The following PHF2 variants were observed in gnomAD, a reference collection of about 807,000 sequenced individuals.
The protein encoded by PHF2 is lysine-specific demethylase PHF2.
Under a neutral mutation model 120.5 loss-of-function variants are expected in PHF2, and 27 were observed. The observed-to-expected ratio is 0.22, with a 90% CI of 0.17 to 0.31. The LOEUF (loss-of-function observed/expected upper bound fraction) is 0.31. Ranked by LOEUF, PHF2 falls within the 10% of genes least tolerant of loss-of-function variation. The pLI is 1.00. For synonymous variants in PHF2, 568 were observed against 592.5 expected (o/e 0.96, Z 0.60); for missense variants, 1,024 against 1,434.8 (o/e 0.71, Z 4.63).
At chr9:93,626,462 TA>T (rs1825916999) in intron 1 of PHF2, among the ~76,000 whole-genome samples, 1 of 152,232 alleles carries the variant, frequency 6.6e-6, no homozygotes, top group African/African-American at 2.4e-5. Context: ...AATAGTTCTT[TA>T]TATGTTGTGG....
intron 1 of PHF2, among the ~76,000 whole-genome samples, chr9:93,618,760 TTGTG>T (rs891066864): frequency 6.6e-6 from 1 of 151,672 alleles, no homozygotes; most frequent in African/African-American, 2.4e-5. Flanking sequence ...ATGCCTGTGT[TTGTG>T]TGTCTGCATG....
chr9:93,618,653 A>C (rs948142836), intron 1 of PHF2, among the ~76,000 whole-genome samples: 3 of 152,252 alleles, frequency 2.0e-5, no homozygotes, highest in African/African-American at 7.2e-5. Flanking sequence ...CCATGTCAGT[A>C]TGTAAAGATC....
chr9:93,676,847 C>T lies in PHF2; in HGVS notation c.3086C>T (p.Ala1029Val). ...CTGGCGGACCATGAGTACACAGCCG[C>T]TGGCACCTTCACCGGGGCCCAGGCT... ...SSLADHEYTA[A>V]GTFTGAQAGR... Residue 1029 changes from alanine (A) to valine (V), a missense_variant, in exon 21 of 22, where the codon GCT (alanine) becomes GTT (valine). Ala to Val is a moderately conservative substitution (Grantham distance 64). This residue lies in a region of PHF2 where 677 missense variants were observed against 857.4 expected (regional missense o/e 0.79). Coordinates refer to ENST00000359246, the MANE Select transcript of PHF2 (RefSeq NM_005392.4). The T allele has an allele frequency of 1.9e-6, 3 of 1,563,248 alleles. No homozygotes were observed. Among genetic ancestry groups the T allele is most frequent in the South Asian group, 1.2e-5 (1 of 84,956 alleles).
intron 1 of PHF2, among the ~76,000 whole-genome samples, chr9:93,624,405 G>A (rs1825872596): frequency 1.3e-5 from 2 of 152,060 alleles, no homozygotes; most frequent in African/African-American, 4.8e-5. Context: ...AGGTGATGAT[G>A]ATAATGATGG....
chr9:93,675,774 T>A lies in PHF2; in HGVS notation c.2817T>A (p.Ala939=). 1 of 1,609,250 alleles carries A rather than the reference T, an allele frequency of 6.2e-7. No homozygotes were observed. ...AGACCGGGCTGGCGGCTGCTGCAGC[T>A]AAGTTGTCCCAGCAGGTGAGGAGGG... is the stretch of plus-strand genomic sequence containing the variant. The part of the protein sequence containing the change: ...SIETGLAAAA[A]KLSQQEEQKS... Residue 939 remains alanine (A), a synonymous_variant, in exon 20 of 22, where the codon GCT becomes GCA. Coordinates refer to ENST00000359246, the MANE Select transcript of PHF2 (RefSeq NM_005392.4).
intron 3 of PHF2, 43 bp from the exon 4 acceptor site, chr9:93,645,586 G>A: frequency 6.6e-7 from 1 of 1,510,650 alleles, no homozygotes; most frequent in East Asian, 2.4e-5. Flanking sequence ...CGGTGCAGGA[G>A]GCCTCGGGCC....
At chr9:93,657,766 A>C (rs1826486240) in intron 9 of PHF2, among the ~76,000 whole-genome samples, 1 of 152,128 alleles carries the variant, frequency 6.6e-6, no homozygotes, top group South Asian at 2.1e-4. Context: ...AGGTGGGAAG[A>C]GATGCTTGGG....
chr9:93,578,852 C>T (rs1862883556), intron 1 of PHF2, among the ~76,000 whole-genome samples: 1 of 152,188 alleles, frequency 6.6e-6, no homozygotes, highest in Non-Finnish European at 1.5e-5. Flanking sequence ...TTTGAGGTCT[C>T]TGATTGAATC....
chr9:93,604,132 C>T (rs1015551120), intron 1 of PHF2, among the ~76,000 whole-genome samples: 7 of 152,070 alleles, frequency 4.6e-5, no homozygotes, highest in Non-Finnish European at 8.8e-5. Context: ...GAGATGGGGA[C>T]ACCCCTCTGA....
chr9:93,600,375 G>T (rs569349816), intron 1 of PHF2, among the ~76,000 whole-genome samples: 1 of 152,288 alleles, frequency 6.6e-6, no homozygotes, highest in South Asian at 2.1e-4. Context: ...CCAGAGCTGC[G>T]TCTTTGTGAT....
intron 9 of PHF2, among the ~76,000 whole-genome samples, chr9:93,657,426 G>C (rs1438207551): frequency 6.6e-6 from 1 of 152,214 alleles, no homozygotes; most frequent in Non-Finnish European, 1.5e-5. Flanking sequence ...CCCAAGATGG[G>C]AGTCTAACCC....
chr9:93,673,876 C>G lies in PHF2; in HGVS notation c.2626+14C>G, dbSNP rs749364456. On this transcript the variant is annotated intron_variant, in intron 18 of 21. Coordinates refer to ENST00000359246, the MANE Select transcript of PHF2 (RefSeq NM_005392.4). Reference sequence around the variant, plus strand: ...ACTCAGACTACGGTGAGTGTCACTCCTGCGTGGGGCAGGGCCCATGCTCAG... The same window carrying G: ...ACTCAGACTACGGTGAGTGTCACTCGTGCGTGGGGCAGGGCCCATGCTCAG... The G allele has an allele frequency of 6.4e-7, 1 of 1,570,228 alleles. No individual in the cohort carries two copies. Among genetic ancestry groups the G allele is most frequent in the Non-Finnish European group, 8.7e-7 (1 of 1,151,994 alleles).
chr9:93,651,204 G>A (rs1826364607), intron 5 of PHF2, among the ~76,000 whole-genome samples: 1 of 151,922 alleles, frequency 6.6e-6, no homozygotes, highest in Admixed American at 6.6e-5. Context: ...AAAGTGGTAT[G>A]TATTGCTTTG....
At chr9:93,616,784 G>T (rs1326496197) in intron 1 of PHF2, among the ~76,000 whole-genome samples, 3 of 151,906 alleles carry the variant, frequency 2.0e-5, no homozygotes, top group Admixed American at 6.6e-5. Flanking sequence ...AGCATCCCAA[G>T]TAGTTGGGAT....
chr9:93,676,725 G>T lies in PHF2; in HGVS notation c.2964G>T (p.Pro988=), dbSNP rs10992855. ...STSTTPASTT[P]ASTTPASTST... ...CCACCACGCCAGCCTCTACCACCCCGGCCTCCACCACCCCGGCCTCCACCA... is the reference window on the plus strand; with the variant it reads ...CCACCACGCCAGCCTCTACCACCCCTGCCTCCACCACCCCGGCCTCCACCA... The change falls in exon 21 of 22, where the codon CCG becomes CCT. Residue 988 remains proline, a synonymous_variant. Coordinates refer to ENST00000359246, the MANE Select transcript of PHF2 (RefSeq NM_005392.4). 3.3e-3 allele frequency: 1,440 copies of T among 441,432 alleles called. 6 individuals are homozygous for T. In the African/African-American group the frequency reaches 0.057, roughly 17 times the overall value. 27.3% of individuals were successfully genotyped at this position (441,432 alleles called of 1,614,324 possible).
intron 1 of PHF2, among the ~76,000 whole-genome samples, chr9:93,612,071 A>T (rs1825645201): frequency 6.6e-6 from 1 of 151,988 alleles, no homozygotes; most frequent in African/African-American, 2.4e-5. Flanking sequence ...GTGTCTCTAT[A>T]CTCTTCTGCA....
chr9:93,579,280 C>T (rs1202232979), intron 1 of PHF2, among the ~76,000 whole-genome samples: 1 of 152,186 alleles, frequency 6.6e-6, no homozygotes, highest in African/African-American at 2.4e-5. Flanking sequence ...TCCTATTTAA[C>T]ATTTCAACTC....
chr9:93,624,455 G>A (rs1184174363), intron 1 of PHF2, among the ~76,000 whole-genome samples: 1 of 151,978 alleles, frequency 6.6e-6, no homozygotes, highest in Admixed American at 6.6e-5. Flanking sequence ...TGATTATAGT[G>A]GTTGAGATGA....
intron 1 of PHF2, among the ~76,000 whole-genome samples, chr9:93,595,989 TG>T (rs1480016414): frequency 2.0e-5 from 3 of 152,208 alleles, no homozygotes; most frequent in Non-Finnish European, 4.4e-5. Flanking sequence ...ACCAGCAGGA[TG>T]GGGCATTTCC....
Sources: allele counts gnomAD v4.1 joint callset (sites outside exome capture counted in the v4.1 genomes callset), GRCh38; gene constraint gnomAD v4.1.1; regional missense constraint gnomAD v4.1.1; transcripts MANE v1.5; gene names NCBI Gene and HGNC (gene_info 2026-07-23, HGNC 2026-07-21).